PDK3: variants seen among roughly 807,000 people sequenced by gnomAD.
PDK3 encodes pyruvate dehydrogenase kinase, isozyme 3.
PDK3 carries 12 observed loss-of-function variants against 32.0 expected under a neutral mutation model. That is an observed-to-expected ratio of 0.37 (90% confidence interval 0.24 to 0.61). The LOEUF (loss-of-function observed/expected upper bound fraction) is 0.61, where lower values mean the gene tolerates loss of function less well. Among genes scored for constraint, PDK3 ranks in the 20% least tolerant of loss-of-function variants. The probability of loss-of-function intolerance (pLI) is 0.65; values close to 1 mark genes in which losing one functional copy is unlikely to be tolerated. For synonymous variants in PDK3, 122 were observed against 116.3 expected (o/e 1.05, Z -0.31); for missense variants, 188 against 316.9 (o/e 0.59, Z 3.09).
At chrX:24,504,626 G>C (rs1435764182) in intron 4 of PDK3, among the ~76,000 whole-genome samples, 3 of 111,185 alleles carry the variant, frequency 2.7e-5, no homozygotes, top group Non-Finnish European at 5.7e-5. Flanking sequence ...TTTTTCTTTG[G>C]GGCTTCTTTT....
At chrX:24,470,264 A>G (rs918884738) in intron 1 of PDK3, among the ~76,000 whole-genome samples, 1 of 112,404 alleles carries the variant, frequency 8.9e-6, no homozygotes, top group South Asian at 3.6e-4. Context: ...GTAGAACTTC[A>G]TATGAAAGTG....
chrX:24,529,628 G>T (rs184324161), intron 9 of PDK3, among the ~76,000 whole-genome samples: 1 of 110,425 alleles, frequency 9.1e-6, no homozygotes, highest in African/African-American at 3.3e-5. Context: ...GAGCAGTGGC[G>T]CATGCTTGTA....
intron 1 of PDK3, among the ~76,000 whole-genome samples, chrX:24,480,221 A>G (rs943717779): frequency 1.8e-5 from 2 of 112,469 alleles, no homozygotes; most frequent in Non-Finnish European, 3.8e-5. Context: ...AAGAGCTGAC[A>G]CTGAAAAGTC....
intron 6 of PDK3, among the ~76,000 whole-genome samples, chrX:24,520,913 C>T (rs1922379537): frequency 1.8e-5 from 2 of 109,978 alleles, no homozygotes; most frequent in South Asian, 3.9e-4. Context: ...AATTTGTGAA[C>T]GTATGGAAGT....
At chrX:24,509,465 G>A (rs1277578972) in intron 5 of PDK3, among the ~76,000 whole-genome samples, 1 of 110,812 alleles carries the variant, frequency 9.0e-6, no homozygotes, top group East Asian at 2.8e-4. Context: ...GTGCCCTTTT[G>A]TGACTCAAAA....
Position 24,534,303 on chromosome X carries a change from A to G in PDK3, c.*231A>G, listed in dbSNP as rs1051778587. ...GATCAATCAAGATAAAAGGTGATCT[A>G]TCCATCCAATGGAATATTATTTGGC... On this transcript the variant is annotated 3_prime_UTR_variant, in exon 11 of 11. Coordinates refer to ENST00000379162, the MANE Select transcript of PDK3 (RefSeq NM_005391.5). 39 of 803,157 alleles carry G rather than the reference A, an allele frequency of 4.9e-5. No individual in the cohort carries two copies. Among genetic ancestry groups the G allele is most frequent in the East Asian group, 8.7e-5 (2 of 22,898 alleles). The allele number at this position is 803,157 out of a possible 1,213,427, so 66.2% of individuals were successfully genotyped here.
At chrX:24,478,304 C>A (rs1335212176) in intron 1 of PDK3, among the ~76,000 whole-genome samples, 1 of 110,710 alleles carries the variant, frequency 9.0e-6, no homozygotes, top group East Asian at 2.9e-4. Flanking sequence ...CAATACAATA[C>A]AAAAAATCAG....
At chrX:24,470,981 C>T (rs1181571523) in intron 1 of PDK3, among the ~76,000 whole-genome samples, 1 of 110,538 alleles carries the variant, frequency 9.0e-6, no homozygotes, top group East Asian at 2.8e-4. Context: ...TCTGTTCTCA[C>T]TCATAAGTGG....
chrX:24,471,304 CT>C (rs1247343819), intron 1 of PDK3, among the ~76,000 whole-genome samples: 2 of 112,445 alleles, frequency 1.8e-5, no homozygotes, highest in Non-Finnish European at 3.8e-5. Context: ...TGTATTTGGT[CT>C]TTTTTCTCTT....
chrX:24,529,665 A>G (rs1355472299), intron 9 of PDK3, among the ~76,000 whole-genome samples: 3 of 109,848 alleles, frequency 2.7e-5, no homozygotes, highest in Non-Finnish European at 5.7e-5. Flanking sequence ...AGGCTGAGGC[A>G]CAAGAATGGC....
rs1940050673 is a variant in PDK3, at chrX:24,465,314, G to C, written c.-142G>C. ...GTCCTGGAGCTGCTGCTGCTGCTGC[G>C]GCGGCTGCACCGGCGGCGCCGAGGC... On this transcript the variant is annotated 5_prime_UTR_variant, in exon 1 of 11. Transcript: ENST00000379162. The C allele has an allele frequency of 8.2e-6, 3 of 365,819 alleles. No individual in the cohort carries two copies. Among genetic ancestry groups the C allele is most frequent in the Non-Finnish European group, 1.4e-5 (3 of 219,079 alleles). The allele number at this position is 365,819 out of a possible 1,213,427, so 30.1% of individuals were successfully genotyped here.
chrX:24,506,904 G>A (rs1408437024), intron 5 of PDK3, among the ~76,000 whole-genome samples: 1 of 95,565 alleles, frequency 1.0e-5, no homozygotes, highest in African/African-American at 4.1e-5. Flanking sequence ...TCTGTCCTTC[G>A]AGTTCAAGTG....
chrX:24,527,732 A>G (rs1028421804), intron 8 of PDK3, 57 bp downstream of exon 8: 4 of 665,587 alleles, frequency 6.0e-6, no homozygotes, highest in Non-Finnish European at 9.1e-6. Context: ...AATAGTATCT[A>G]GACATTGAAA....
chrX:24,519,795 C>T (rs760760744), intron 6 of PDK3, among the ~76,000 whole-genome samples: 1 of 112,626 alleles, frequency 8.9e-6, no homozygotes, highest in South Asian at 3.6e-4. Context: ...GTGGTATTCC[C>T]TTTCTAAAAA....
At chrX:24,508,337 C>T (rs1922034793) in intron 5 of PDK3, among the ~76,000 whole-genome samples, 1 of 111,764 alleles carries the variant, frequency 8.9e-6, no homozygotes, top group Admixed American at 9.5e-5. Context: ...CCACCGCCAA[C>T]ACTCAGGATC....
At chrX:24,529,003 A>C (rs1238172330) in intron 9 of PDK3, among the ~76,000 whole-genome samples, 3 of 112,800 alleles carry the variant, frequency 2.7e-5, no homozygotes, top group Non-Finnish European at 5.6e-5. Flanking sequence ...TGTATGAATA[A>C]AATCAAACAC....
chrX:24,540,689 C>T (rs928147961), exon 12 of PDK3, among the ~76,000 whole-genome samples: 1 of 110,029 alleles, frequency 9.1e-6, no homozygotes, highest in Admixed American at 9.8e-5. Flanking sequence ...CATCAGAGAA[C>T]TCATATGTAA....
chrX:24,485,886 C>G (rs771547311), intron 1 of PDK3, among the ~76,000 whole-genome samples: 1 of 111,655 alleles, frequency 9.0e-6, no homozygotes, highest in South Asian at 3.8e-4. Context: ...CTGAGGGAAG[C>G]CTACAGCGAG....
chrX:24,484,330 T>TAC (rs1921344688), intron 1 of PDK3, among the ~76,000 whole-genome samples: 1 of 112,713 alleles, frequency 8.9e-6, no homozygotes, highest in South Asian at 3.6e-4. Context: ...ATTGAATACC[T>TAC]ACAATGTACC....
Sources: gnomAD v4.1 joint callset for allele counts (sites outside exome capture counted in the v4.1 genomes callset) on GRCh38, gnomAD v4.1.1 for gene constraint, MANE v1.5 for transcripts, NCBI Gene and HGNC (gene_info 2026-07-23, HGNC 2026-07-21) for gene names.